The following IL4R variants were observed in gnomAD, a reference collection of about 807,000 sequenced individuals.
IL4R encodes interleukin 4 receptor, also known as interleukin-4 receptor subunit alpha.
In IL4R, 17 loss-of-function variants were observed where a neutral mutation model predicts 41.5. The ratio of observed to expected loss-of-function variants is 0.41; its 90% CI spans 0.28 to 0.61. The LOEUF is 0.61. IL4R is among the 20% of genes least tolerant of loss of function. IL4R has a pLI of 0.31. For missense variants in IL4R, 974 were observed against 1,043.1 expected (o/e 0.93, Z 0.91); for synonymous variants, 402 against 422.9 (o/e 0.95, Z 0.61).
rs753929235 is a variant in IL4R, at chr16:27,345,010, C to T, written c.351C>T (p.Pro117=). 1.9e-6 allele frequency: 3 copies of T among 1,610,998 alleles called. No individual in the cohort carries two copies. In the South Asian group the frequency reaches 3.3e-5, roughly 18 times the overall value. The change falls in exon 5 of 11, where the codon CCC becomes CCT. Residue 117 remains proline (P), a synonymous_variant. Coordinates refer to ENST00000395762, the MANE Select transcript of IL4R (RefSeq NM_000418.4). The surrounding 1 kb of genome is among the most constrained non-coding windows in gnomAD (Gnocchi z 4.5). Reference sequence around the variant, plus strand: ...TGCTGTGGAAGGGCTCCTTCAAGCCCAGCGAGCATGGTGAGCAGGGCGGAG... The same window carrying T: ...TGCTGTGGAAGGGCTCCTTCAAGCCTAGCGAGCATGGTGAGCAGGGCGGAG... The part of the protein sequence containing the change: ...QQLLWKGSFK[P]SEHVKPRAPG...
intron 4 of IL4R, among the ~76,000 whole-genome samples, chr16:27,343,203 C>T (rs1202618051): frequency 6.6e-6 from 1 of 152,214 alleles, no homozygotes; most frequent in Non-Finnish European, 1.5e-5. Context: ...GGCACACCAG[C>T]ATGCAGCGTT....
chr16:27,322,423 C>T (rs1048020059), intron 1 of IL4R, among the ~76,000 whole-genome samples: 6 of 152,142 alleles, frequency 3.9e-5, no homozygotes, highest in African/African-American at 1.4e-4. Context: ...GCAGTCTGCC[C>T]ACCTCAGCCT....
intron 1 of IL4R, among the ~76,000 whole-genome samples, chr16:27,326,705 G>A (rs1302711224): frequency 5.3e-5 from 8 of 152,174 alleles, no homozygotes; most frequent in Admixed American, 2.0e-4. Flanking sequence ...TTGAGCAAGT[G>A]GGTGAGGATG....
intron 1 of IL4R, among the ~76,000 whole-genome samples, chr16:27,323,446 T>C (rs1291652672): frequency 6.6e-6 from 1 of 152,208 alleles, no homozygotes; most frequent in Non-Finnish European, 1.5e-5. Flanking sequence ...AGTTTATGAC[T>C]GCTTCTGTGC....
chr16:27,358,324 G>C (rs980670161), intron 8 of IL4R, among the ~76,000 whole-genome samples: 5 of 152,248 alleles, frequency 3.3e-5, no homozygotes, highest in African/African-American at 1.2e-4. Context: ...AAACATAGAA[G>C]GTGCTCAATA....
chr16:27,362,209 T>C (rs777568851), intron 10 of IL4R, 43 bp from the exon 11 acceptor site: 2 of 1,590,108 alleles, frequency 1.3e-6, no homozygotes, highest in East Asian at 4.5e-5. Flanking sequence ...TAGGAGTTTT[T>C]CAAGTGTCGA....
intron 1 of IL4R, among the ~76,000 whole-genome samples, chr16:27,316,184 T>A (rs2084643728): frequency 6.6e-6 from 1 of 151,980 alleles, no homozygotes; most frequent in Non-Finnish European, 1.5e-5. Context: ...CTGGGCAACA[T>A]AGTGAGATCC....
At chr16:27,323,690 C>T (rs111412159) in intron 1 of IL4R, among the ~76,000 whole-genome samples, 3,912 of 151,684 alleles carry the variant, frequency 0.026, 159 homozygotes, top group African/African-American at 0.088. Flanking sequence ...GGGTCTCACT[C>T]TGTTGCCCAG....
At chr16:27,334,118 A>C (rs2085188461) in intron 2 of IL4R, among the ~76,000 whole-genome samples, 1 of 151,934 alleles carries the variant, frequency 6.6e-6, no homozygotes, top group Non-Finnish European at 1.5e-5. Context: ...TCCTGACCTC[A>C]TGATCTGCCT....
intron 10 of IL4R, chr16:27,361,132 T>C (rs958778435): frequency 3.5e-6 from 3 of 866,362 alleles, no homozygotes; most frequent in South Asian, 2.2e-5. Context: ...GCCACTATCC[T>C]GAACACTCCC....
chr16:27,323,556 G>A (rs1247645583), intron 1 of IL4R, among the ~76,000 whole-genome samples: 1 of 152,166 alleles, frequency 6.6e-6, no homozygotes, highest in Admixed American at 6.5e-5. Context: ...CCCTCTCTGG[G>A]CCTCGGCTTC....
At chr16:27,326,539 G>T (rs544068698) in intron 1 of IL4R, among the ~76,000 whole-genome samples, 1 of 152,134 alleles carries the variant, frequency 6.6e-6, no homozygotes, top group African/African-American at 2.4e-5. Context: ...GGTGGTGTGT[G>T]CCTGTAGTCA....
chr16:27,313,829 C>A (rs2084539752), upstream of IL4R: 2 of 812,750 alleles, frequency 2.5e-6, no homozygotes, highest in African/African-American at 1.9e-5. Context: ...TGGCCGGGAC[C>A]CGGGCCGGGC....
intron 1 of IL4R, among the ~76,000 whole-genome samples, chr16:27,320,194 A>C (rs1038943983): frequency 6.6e-6 from 1 of 152,098 alleles, no homozygotes; most frequent in African/African-American, 2.4e-5. Context: ...ATGAGACTCT[A>C]ATGCCTGATG....
intron 1 of IL4R, among the ~76,000 whole-genome samples, chr16:27,314,624 G>T (rs1481664631): frequency 2.6e-5 from 4 of 152,132 alleles, no homozygotes; most frequent in Non-Finnish European, 5.9e-5. Context: ...GACCCCAGCC[G>T]CTTTAGTAAC....
chr16:27,320,020 T>A (rs1216334876), intron 1 of IL4R, among the ~76,000 whole-genome samples: 1 of 152,118 alleles, frequency 6.6e-6, no homozygotes, highest in Admixed American at 6.5e-5. Context: ...GCCTGTGCTA[T>A]CACACCCAGC....
intron 3 of IL4R, 124 bp downstream of exon 3, chr16:27,340,397 C>T: frequency 1.4e-6 from 1 of 701,562 alleles, no homozygotes. Flanking sequence ...TGACAAGTGG[C>T]CCTGATTATC....
At chr16:27,358,075 G>T (rs2086152426) in intron 8 of IL4R, among the ~76,000 whole-genome samples, 1 of 152,004 alleles carries the variant, frequency 6.6e-6, no homozygotes. Context: ...TGCATTTTTA[G>T]TAGAGACGGT....
At chr16:27,342,099 G>A (rs2085460580) in intron 3 of IL4R, 22 bp from the exon 4 acceptor site, 1 of 1,612,906 alleles carries the variant, frequency 6.2e-7, no homozygotes, top group African/African-American at 1.3e-5. Context: ...GGGCCGCTCA[G>A]GCTGCTCCTG....
Sources: gnomAD v4.1 joint callset for allele counts (sites outside exome capture counted in the v4.1 genomes callset) on GRCh38, gnomAD v4.1.1 for gene constraint, Gnocchi (gnomAD v3.1) non-coding constraint, MANE v1.5 for transcripts, NCBI Gene and HGNC (gene_info 2026-07-23, HGNC 2026-07-21) for gene names.